The following DGKZ variants were observed in gnomAD, a reference collection of about 807,000 sequenced individuals.
The protein encoded by DGKZ is DAG kinase zeta.
Under a neutral mutation model 142.5 loss-of-function variants are expected in DGKZ, and 45 were observed. The observed-to-expected ratio is 0.32, with a 90% CI of 0.25 to 0.40. DGKZ has a LOEUF of 0.40. Among genes scored for constraint, DGKZ ranks in the 10% least tolerant of loss-of-function variants. The pLI is 1.00. For missense variants in DGKZ, 755 were observed against 1,306.5 expected (o/e 0.58, Z 6.51); for synonymous variants, 442 against 527.0 (o/e 0.84, Z 2.21).
At chr11:46,374,493 C>G (rs377081162) in intron 16 of DGKZ, 39 bp downstream of exon 16, 24 of 1,613,728 alleles carry the variant, frequency 1.5e-5, no homozygotes, top group Non-Finnish European at 2.0e-5. Flanking sequence ...CCCACCTCTT[C>G]TACCACCCGT....
At chr11:46,346,539 G>A (rs966207374), upstream of DGKZ, among the ~76,000 whole-genome samples, 1 of 152,180 alleles carries the variant, frequency 6.6e-6, no homozygotes, top group African/African-American at 2.4e-5. Flanking sequence ...TGCATGTGAG[G>A]TATATTTCTG....
In DGKZ at chr11:46,374,508, G is replaced by C. The variant is rs911870608; in HGVS notation, c.1461+54G>C. 2.3e-5 allele frequency: 37 copies of C among 1,613,296 alleles called. No individual in the cohort carries two copies. In the South Asian group the frequency reaches 3.3e-4, roughly 14 times the overall value. ...CCCACCTCTTCTACCACCCGTGCCC[G>C]TGCCCACCTGTGTCCACCAGGCCCC... is the stretch of plus-strand genomic sequence containing the variant. On this transcript the variant is annotated intron_variant, in intron 16 of 30. Transcript: ENST00000527911.
intron 1 of DGKZ, chr11:46,365,474 G>A (rs1195362202): frequency 2.0e-6 from 2 of 985,306 alleles, no homozygotes; most frequent in East Asian, 2.3e-4. Context: ...TTTGGCCCAA[G>A]CCTATTGTCA....
chr11:46,349,126 C>T (rs1053510823), intron 1 of DGKZ, among the ~76,000 whole-genome samples: 2 of 152,260 alleles, frequency 1.3e-5, no homozygotes, highest in Admixed American at 1.3e-4. Context: ...CACCTGCACT[C>T]TGTCTCTGAG....
At chr11:46,374,981 A>T (rs773553787) in exon 19 of DGKZ, 1 of 1,612,724 alleles carries the variant, frequency 6.2e-7, no homozygotes, top group Non-Finnish European at 8.5e-7. Flanking sequence ...GAGCACCACG[A>T]CTTTGAGCCC....
At chr11:46,359,520 CTG>C (rs1942399810) in intron 1 of DGKZ, among the ~76,000 whole-genome samples, 1 of 152,204 alleles carries the variant, frequency 6.6e-6, no homozygotes, top group Non-Finnish European at 1.5e-5. Flanking sequence ...TTTCCAATGA[CTG>C]GTGCTTGATG....
rs922937851 is a variant in DGKZ, at chr11:46,376,123, C to G, written c.2069C>G (p.Ala690Gly). 2.0e-5 allele frequency: 32 copies of G among 1,611,220 alleles called. No homozygotes were observed. Among genetic ancestry groups the G allele is most frequent in the Non-Finnish European group, 2.6e-5 (31 of 1,179,954 alleles). ...GACAGTGACCTAGAGCTCTGCCGTG[C>G]CCACATTGAGAGACTCCAGCAGGTA... The change falls in exon 22 of 31, where the codon GCC becomes GGC. Residue 690 changes from alanine to glycine, a missense_variant. Physicochemically the swap from Ala to Gly is moderately conservative, Grantham distance 60. Transcript: ENST00000527911.
intron 4 of DGKZ, chr11:46,369,112 G>C: frequency 3.3e-6 from 1 of 305,170 alleles, no homozygotes; most frequent in Non-Finnish European, 6.4e-6. Context: ...GGAGGTGGAG[G>C]TTGCAGTGAG....
At chr11:46,364,938 C>T in intron 1 of DGKZ, 2 of 985,456 alleles carry the variant, frequency 2.0e-6, no homozygotes, top group Non-Finnish European at 1.2e-6. Context: ...CTCCCCAGGA[C>T]CAGGGCCCAG....
chr11:46,343,038 C>T (rs572405554), upstream of DGKZ, among the ~76,000 whole-genome samples: 6 of 152,048 alleles, frequency 3.9e-5, no homozygotes, highest in African/African-American at 1.2e-4. Flanking sequence ...GCACAAGAAT[C>T]GCTTGAACCT....
chr11:46,365,908 T>C, intron 1 of DGKZ: 2 of 985,352 alleles, frequency 2.0e-6, no homozygotes, highest in Non-Finnish European at 2.4e-6. Flanking sequence ...CTCTGTAGAT[T>C]CTGGTGCCTG....
At chr11:46,332,945 G>A (rs1455057546) in exon 1 of DGKZ, 2 of 240,558 alleles carry the variant, frequency 8.3e-6, no homozygotes, top group Non-Finnish European at 1.6e-5. Context: ...CGCGGCAGCA[G>A]CGGCGGTTGC....
chr11:46,359,869 C>T lies in DGKZ; in HGVS notation c.162-7422C>T, dbSNP rs560862939. 7.3e-5 allele frequency among the ~76,000 whole-genome samples: 11 copies of T among 151,714 alleles called. No individual in the cohort carries two copies. The South Asian group carries it at 1.7e-3, about 23-fold the overall frequency. On this transcript the variant is annotated intron_variant, in intron 1 of 30. Transcript: ENST00000527911. ...CTGACCTCAGTTGATCCGCCCACCTCGGCCTCCCAAAATGCTGGGATTACA... is the reference window on the plus strand; with the variant it reads ...CTGACCTCAGTTGATCCGCCCACCTTGGCCTCCCAAAATGCTGGGATTACA...
Position 46,372,341 on chromosome 11 carries a change from G to A in DGKZ, c.928-87G>A. Reference sequence around the variant, plus strand: ...CACCCCTCACCCCTTATTGGCCCTGGTTCCCACAGTCACACCCCTCTCCCT... The same window carrying A: ...CACCCCTCACCCCTTATTGGCCCTGATTCCCACAGTCACACCCCTCTCCCT... On this transcript the variant is annotated intron_variant, in intron 10 of 30. Coordinates refer to ENST00000527911, the Ensembl canonical transcript of DGKZ. This position sits in a 1 kb window ranked among gnomAD's most constrained non-coding sequence, Gnocchi z 5.9. The A allele has an allele frequency of 3.4e-6, 5 of 1,477,610 alleles. No homozygotes were observed. Among genetic ancestry groups the A allele is most frequent in the Non-Finnish European group, 3.8e-6 (4 of 1,062,754 alleles). The allele number at this position is 1,477,610 out of a possible 1,614,324, so 91.5% of individuals were successfully genotyped here.
intron 4 of DGKZ, 95 bp from the exon 5 acceptor site, chr11:46,369,399 T>G: frequency 6.8e-6 from 10 of 1,480,272 alleles, no homozygotes; most frequent in Non-Finnish European, 9.4e-6. Flanking sequence ...CCCCACCTTG[T>G]GAGGATGACT....
chr11:46,366,390 C>T (rs2136458475), intron 1 of DGKZ: 2 of 1,525,704 alleles, frequency 1.3e-6, no homozygotes, highest in East Asian at 2.4e-5. Context: ...GCCTCCTCCT[C>T]ACTGGCACAG....
At position 46,357,110 on chromosome 11, in the gene DGKZ, A is replaced by G. The variant is rs1034831502; in HGVS notation, c.161+9290A>G. ...GAGGCACTAAAGGAATGGGTTGGTC[A>G]TTTGTTGCGCAAACATCTCTTTGAG... On this transcript the variant is annotated intron_variant, in intron 1 of 30. Coordinates refer to ENST00000527911, the Ensembl canonical transcript of DGKZ. Among the ~76,000 whole-genome samples, 15 of 152,126 alleles carry G rather than the reference A, an allele frequency of 9.9e-5. No individual in the cohort carries two copies. The East Asian group carries it at 2.7e-3, about 27-fold the overall frequency.
In DGKZ at chr11:46,374,394, C is replaced by T. The variant is rs1209822975; in HGVS notation, c.1406-5C>T. 1.9e-6 allele frequency: 3 copies of T among 1,613,962 alleles called. No individual in the cohort carries two copies. In the South Asian group the frequency reaches 3.3e-5, roughly 18 times the overall value. ...CACTGGCCCCCACTGCTTGTCTCCA[C>T]CCAGAGGCCAACCCAGAGAAATTCA... On this transcript the variant is annotated splice_polypyrimidine_tract_variant and splice_region_variant and intron_variant, in intron 15 of 30. Transcript: ENST00000527911.
At chr11:46,355,386 G>A (rs1411101725) in intron 1 of DGKZ, among the ~76,000 whole-genome samples, 7 of 152,200 alleles carry the variant, frequency 4.6e-5, no homozygotes, top group Non-Finnish European at 5.9e-5. Context: ...GGGATTACAG[G>A]CATGAGCCAC....
Sources: allele counts gnomAD v4.1 joint callset (sites outside exome capture counted in the v4.1 genomes callset), GRCh38; gene constraint gnomAD v4.1.1; non-coding constraint Gnocchi (gnomAD v3.1); transcripts MANE v1.5; gene names NCBI Gene and HGNC (gene_info 2026-07-23, HGNC 2026-07-21).